Variants in NRF1 observed in about 807,000 individuals in gnomAD.
The protein encoded by NRF1 is alpha palindromic-binding protein.
Under a neutral mutation model 58.5 loss-of-function variants are expected in NRF1, and 5 were observed. That is an observed-to-expected ratio of 0.09 (90% confidence interval 0.04 to 0.18). The LOEUF is 0.18. Among genes scored for constraint, NRF1 ranks in the 10% least tolerant of loss-of-function variants. The probability of loss-of-function intolerance (pLI) is 1.00; values close to 1 mark genes in which losing one functional copy is unlikely to be tolerated. For synonymous variants in NRF1, 224 were observed against 246.7 expected (o/e 0.91, Z 0.86); for missense variants, 288 against 657.7 (o/e 0.44, Z 6.15).
At chr7:129,675,492 A>G (rs1398651084) in intron 3 of NRF1, among the ~76,000 whole-genome samples, 1 of 152,208 alleles carries the variant, frequency 6.6e-6, no homozygotes, top group Non-Finnish European at 1.5e-5. Context: ...ATCCTTTCAA[A>G]ATGTATTTCT....
intron 4 of NRF1, among the ~76,000 whole-genome samples, chr7:129,683,113 G>A (rs901565191): frequency 1.3e-5 from 2 of 151,710 alleles, no homozygotes; most frequent in African/African-American, 4.8e-5. Flanking sequence ...ATGTTGGCCG[G>A]GCTGGTCTTG....
At chr7:129,748,523 C>A (rs1332285114) in intron 10 of NRF1, among the ~76,000 whole-genome samples, 3 of 152,120 alleles carry the variant, frequency 2.0e-5, no homozygotes, top group Non-Finnish European at 4.4e-5. Flanking sequence ...GACAGAGAGA[C>A]CTGCCTGAGG....
At chr7:129,666,505 A>G (rs1801926049) in intron 2 of NRF1, among the ~76,000 whole-genome samples, 1 of 152,150 alleles carries the variant, frequency 6.6e-6, no homozygotes, top group African/African-American at 2.4e-5. Flanking sequence ...GTTATATGGT[A>G]TTCCATTCAT....
intron 4 of NRF1, among the ~76,000 whole-genome samples, chr7:129,687,665 T>G (rs1295601087): frequency 6.6e-6 from 1 of 152,184 alleles, no homozygotes; most frequent in Admixed American, 6.5e-5. Context: ...TGCTAAATGA[T>G]TTGTTGAGTA....
intron 1 of NRF1, among the ~76,000 whole-genome samples, chr7:129,656,432 A>C (rs1371586260): frequency 6.6e-6 from 1 of 152,008 alleles, no homozygotes; most frequent in East Asian, 1.9e-4. Context: ...TTTATTTTTC[A>C]AAAATAATGA....
chr7:129,624,033 A>G (rs1339492606), intron 1 of NRF1, among the ~76,000 whole-genome samples: 2 of 152,206 alleles, frequency 1.3e-5, no homozygotes, highest in Non-Finnish European at 2.9e-5. Context: ...TTTCATTCTG[A>G]AGAAATCCAT....
At chr7:129,725,579 G>A (rs550293832) in intron 9 of NRF1, among the ~76,000 whole-genome samples, 5 of 152,208 alleles carry the variant, frequency 3.3e-5, no homozygotes, top group Middle Eastern at 6.8e-3. Context: ...CGCCCGCCTT[G>A]GCCTCCCAAA....
At chr7:129,730,092 T>G (rs1803543183) in intron 10 of NRF1, among the ~76,000 whole-genome samples, 1 of 152,204 alleles carries the variant, frequency 6.6e-6, no homozygotes, top group African/African-American at 2.4e-5. Flanking sequence ...CCCAAAGTAC[T>G]GGGAATACAG....
intron 1 of NRF1, among the ~76,000 whole-genome samples, chr7:129,619,476 G>A (rs1445053720): frequency 0.011 from 312 of 28,860 alleles, 16 homozygotes; most frequent in African/African-American, 0.021. Context: ...GTGTGTGTGT[G>A]TGTGTGTGTG....
Position 129,690,463 on chromosome 7 carries a change from G to C in NRF1, c.523G>C (p.Ala175Pro). ...EDLESALAEH[A>P]PAPQEVNSEL... Reference sequence around the variant, plus strand: ...CCTGGAGTCTGCTCTGGCAGAACACGCCCCTGCGCCACAGGAGGTTAACTC... The same window carrying C: ...CCTGGAGTCTGCTCTGGCAGAACACCCCCCTGCGCCACAGGAGGTTAACTC... The change falls in exon 5 of 11, where the codon GCC (alanine) becomes CCC (proline). Residue 175 changes from alanine to proline, a missense_variant. Physicochemically the swap from Ala to Pro is conservative, Grantham distance 27. Coordinates refer to ENST00000393232, the MANE Select transcript of NRF1 (RefSeq NM_005011.5). 6.2e-7 allele frequency: 1 copy of C among 1,614,112 alleles called. No individual in the cohort carries two copies. Among genetic ancestry groups the C allele is most frequent in the Non-Finnish European group, 8.5e-7 (1 of 1,180,008 alleles).
chr7:129,697,292 C>G (rs565916076), intron 5 of NRF1, among the ~76,000 whole-genome samples: 3 of 151,632 alleles, frequency 2.0e-5, no homozygotes, highest in Non-Finnish European at 4.4e-5. Context: ...GCATGTAATC[C>G]CAGCACTTTG....
chr7:129,755,215 T>G lies in NRF1; in HGVS notation c.*34T>G. On this transcript the variant is annotated 3_prime_UTR_variant, in exon 11 of 11. Coordinates refer to ENST00000393232, the MANE Select transcript of NRF1 (RefSeq NM_005011.5). The surrounding 1 kb of genome is among the most constrained non-coding windows in gnomAD (Gnocchi z 5.8). ...CATATTATGGCATCGTTTTCTAGTC[T>G]ACTTCAAAATTTTTTACACGTTTGC... The G allele has an allele frequency of 6.6e-7, 1 of 1,516,420 alleles. No individual in the cohort carries two copies. The highest frequency in any genetic ancestry group is 8.9e-7 in the Non-Finnish European group (1 of 1,128,648). The allele number at this position is 1,516,420 out of a possible 1,614,324, so 93.9% of individuals were successfully genotyped here. A position where few individuals can be genotyped will look rare whatever the true frequency, so the allele number is the denominator to read the frequency against.
At chr7:129,630,790 T>C (rs1801031161) in intron 1 of NRF1, among the ~76,000 whole-genome samples, 1 of 152,168 alleles carries the variant, frequency 6.6e-6, no homozygotes, top group Non-Finnish European at 1.5e-5. Flanking sequence ...TAAAATTGGG[T>C]GAGGGCATTG....
At chr7:129,662,871 G>A (rs55853524) in intron 2 of NRF1, among the ~76,000 whole-genome samples, 28,957 of 151,984 alleles carry the variant, frequency 0.19, 3,004 homozygotes, top group East Asian at 0.47. Context: ...GAGAACAAAG[G>A]TCTCTGGTTT....
At chr7:129,658,227 A>C (rs1799887376) in intron 2 of NRF1, among the ~76,000 whole-genome samples, 1 of 150,940 alleles carries the variant, frequency 6.6e-6, no homozygotes, top group Admixed American at 6.6e-5. Flanking sequence ...TTTTCTTGTT[A>C]GTTTGAAAGT....
At chr7:129,677,522 G>A (rs190191859) in intron 3 of NRF1, 110 bp from the exon 4 acceptor site, 94 of 952,930 alleles carry the variant, frequency 9.9e-5, no homozygotes, top group Non-Finnish European at 1.3e-4. Flanking sequence ...CACATTTTAC[G>A]TAAAAGAGCA....
intron 10 of NRF1, among the ~76,000 whole-genome samples, chr7:129,737,853 A>G (rs1330966321): frequency 2.0e-5 from 3 of 152,246 alleles, no homozygotes; most frequent in Non-Finnish European, 4.4e-5. Flanking sequence ...ACACTGTGAT[A>G]CTATTTGTAG....
At chr7:129,619,490 G>GTGTATATA (rs1422472177) in intron 1 of NRF1, among the ~76,000 whole-genome samples, 16 of 48,612 alleles carry the variant, frequency 3.3e-4, no homozygotes, top group African/African-American at 1.5e-3. Context: ...GTGTGTGTGT[G>GTGTATATA]TATATATATA....
chr7:129,666,253 T>C (rs777566506), intron 2 of NRF1, among the ~76,000 whole-genome samples: 7 of 152,216 alleles, frequency 4.6e-5, no homozygotes, highest in Non-Finnish European at 8.8e-5. Context: ...CTAATCCTGC[T>C]CCCTTCCCTC....
Sources: allele counts gnomAD v4.1 joint callset (sites outside exome capture counted in the v4.1 genomes callset), GRCh38; gene constraint gnomAD v4.1.1; non-coding constraint Gnocchi (gnomAD v3.1); transcripts MANE v1.5; gene names NCBI Gene and HGNC (gene_info 2026-07-23, HGNC 2026-07-21).